Variants in SWAP70 observed in about 807,000 individuals in gnomAD.
SWAP70 encodes the protein switch-associated protein 70.
SWAP70 carries 34 observed loss-of-function variants against 80.2 expected under a neutral mutation model. The observed-to-expected ratio is 0.42, with a 90% CI of 0.32 to 0.56. The LOEUF is 0.56. Among genes scored for constraint, SWAP70 ranks in the 20% least tolerant of loss-of-function variants. The probability of loss-of-function intolerance (pLI) is 0.09; values close to 1 mark genes in which losing one functional copy is unlikely to be tolerated. For missense variants in SWAP70, 578 were observed against 690.7 expected, an observed-to-expected ratio of 0.84 and a Z score of 1.83; for synonymous variants, 239 against 238.5, an observed-to-expected ratio of 1.00 and a Z score of -0.02.
At chr11:9,731,786 T>C (rs913541429) in intron 6 of SWAP70, among the ~76,000 whole-genome samples, 2 of 152,202 alleles carry the variant, frequency 1.3e-5, no homozygotes, top group Non-Finnish European at 2.9e-5. Flanking sequence ...GCATAAAAAC[T>C]GTTAGCATTA....
chr11:9,709,902 A>G (rs1850973178), intron 2 of SWAP70, among the ~76,000 whole-genome samples: 1 of 152,236 alleles, frequency 6.6e-6, no homozygotes, highest in Non-Finnish European at 1.5e-5. Context: ...TGTAAAATGT[A>G]TTATGTGCAG....
At chr11:9,734,320 C>T (rs1437037192) in intron 7 of SWAP70, among the ~76,000 whole-genome samples, 1 of 152,198 alleles carries the variant, frequency 6.6e-6, no homozygotes, top group East Asian at 1.9e-4. Flanking sequence ...CATTCTTTGA[C>T]TTAGCATTGT....
chr11:9,734,013 A>AT (rs1016932510), intron 7 of SWAP70, among the ~76,000 whole-genome samples: 4 of 151,996 alleles, frequency 2.6e-5, no homozygotes, highest in Admixed American at 6.6e-5. Context: ...CAGATTTGGG[A>AT]TTTTTTTGGA....
intron 3 of SWAP70, among the ~76,000 whole-genome samples, chr11:9,718,674 T>TTA (rs1385452430): frequency 7.8e-6 from 1 of 128,682 alleles, no homozygotes; most frequent in Non-Finnish European, 1.7e-5. Context: ...TGGGTTTAAC[T>TTA]TGTTATCAGT....
At chr11:9,722,145 G>A (rs1455718296) in intron 3 of SWAP70, among the ~76,000 whole-genome samples, 1 of 152,204 alleles carries the variant, frequency 6.6e-6, no homozygotes, top group African/African-American at 2.4e-5. Context: ...TATGTGATGG[G>A]CATTGTGCAA....
rs1850280121 is a variant in SWAP70, at chr11:9,664,237, G to T, written c.58G>T (p.Asp20Tyr). The T allele has an allele frequency of 6.3e-7, 1 of 1,594,852 alleles. No individual in the cohort carries two copies. Among genetic ancestry groups the T allele is most frequent in the Admixed American group, 1.7e-5 (1 of 57,880 alleles). ...CATCTGGCACGCCTTCACCGCACTC[G>T]ACCAGGACCACAGCGGCAAGGTCTC... is the stretch of plus-strand genomic sequence containing the variant. ...KAIWHAFTAL[D>Y]QDHSGKVSKS... Residue 20 changes from aspartate (D) to tyrosine (Y), a missense_variant, in exon 1 of 12, where the codon GAC becomes TAC. Physicochemically the swap from Asp to Tyr is radical, Grantham distance 160. Coordinates refer to ENST00000318950, the MANE Select transcript of SWAP70 (RefSeq NM_015055.4).
intron 6 of SWAP70, among the ~76,000 whole-genome samples, chr11:9,730,501 C>G (rs907647605): frequency 6.6e-6 from 1 of 152,120 alleles, no homozygotes; most frequent in African/African-American, 2.4e-5. Flanking sequence ...GCACACACTA[C>G]AACTGTTGGT....
intron 6 of SWAP70, 143 bp from the exon 7 acceptor site, chr11:9,732,386 A>T: frequency 1.2e-6 from 1 of 849,224 alleles, no homozygotes; most frequent in South Asian, 1.6e-5. Context: ...GGGTCACACC[A>T]CTATGGAGTG....
intron 6 of SWAP70, among the ~76,000 whole-genome samples, chr11:9,730,523 T>C (rs1346381209): frequency 2.0e-5 from 3 of 152,134 alleles, no homozygotes; most frequent in Non-Finnish European, 4.4e-5. Flanking sequence ...GACACCTGGG[T>C]TGATTCCATA....
chr11:9,680,856 G>C (rs1041888518), intron 1 of SWAP70: 2 of 152,146 alleles, frequency 1.3e-5, no homozygotes, highest in African/African-American at 4.8e-5. Flanking sequence ...TAGAGAAAAG[G>C]ATATAGACAG....
Position 9,728,196 on chromosome 11 carries a change from A to G in SWAP70, c.786A>G (p.Val262=). ...TTCTCTTGGATGAAAATTGCTGTGT[A>G]GAGGTGAGTCTACTCTTACTTCTTT... ...GDILLDENCC[V]ESLPDKDGKK... is the part of the protein sequence containing the mutation. Residue 262 remains valine (V), a synonymous_variant, in exon 5 of 12, where the codon GTA becomes GTG. Transcript: ENST00000318950. The G allele has an allele frequency of 1.9e-6, 3 of 1,606,008 alleles. No individual in the cohort carries two copies. The highest frequency in any genetic ancestry group is 4.5e-5 in the East Asian group (2 of 44,440).
intron 9 of SWAP70, among the ~76,000 whole-genome samples, chr11:9,742,891 T>TTG (rs958028635): frequency 6.6e-6 from 1 of 150,694 alleles, no homozygotes; most frequent in African/African-American, 2.5e-5. Flanking sequence ...CTCCTTTTTT[T>TTG]TTTTTTTTAA....
In SWAP70 at chr11:9,729,412, A is replaced by G; in HGVS notation, c.859A>G (p.Ser287Gly). ...ATGTTTTGATAAGACTTTTGAAATC[A>G]GTGCTTCAGATAAGAAGAAGAAACA... ...VKCFDKTFEI[S>G]ASDKKKKQEW... The change falls in exon 6 of 12, where the codon AGT (serine) becomes GGT (glycine). Residue 287 changes from serine (S) to glycine (G), a missense_variant. By Grantham distance (56) the Ser-to-Gly change is moderately conservative (BLOSUM62 0). Transcript: ENST00000318950. 6.2e-7 allele frequency: 1 copy of G among 1,613,528 alleles called. No homozygotes were observed. Among genetic ancestry groups the G allele is most frequent in the Non-Finnish European group, 8.5e-7 (1 of 1,179,562 alleles).
chr11:9,703,174 A>G (rs1461321847), intron 2 of SWAP70, among the ~76,000 whole-genome samples: 1 of 152,212 alleles, frequency 6.6e-6, no homozygotes, highest in Non-Finnish European at 1.5e-5. Context: ...TAATGGAATG[A>G]TACAATAGCC....
intron 1 of SWAP70, 92 bp from the exon 2 acceptor site, chr11:9,694,054 A>T: frequency 7.0e-7 from 1 of 1,419,844 alleles, no homozygotes; most frequent in Non-Finnish European, 9.3e-7. Flanking sequence ...ATCTTTCTCT[A>T]CCCAGGAGAG....
chr11:9,716,566 G>T (rs1851068845), intron 3 of SWAP70, among the ~76,000 whole-genome samples: 1 of 152,162 alleles, frequency 6.6e-6, no homozygotes, highest in Non-Finnish European at 1.5e-5. Flanking sequence ...GACTCTGTGA[G>T]GATTGAAAAA....
chr11:9,708,957 G>T (rs893923475), intron 2 of SWAP70, among the ~76,000 whole-genome samples: 2 of 152,168 alleles, frequency 1.3e-5, no homozygotes, highest in Admixed American at 1.3e-4. Flanking sequence ...GTGTGAATTT[G>T]TACAGCAGCA....
intron 1 of SWAP70, among the ~76,000 whole-genome samples, chr11:9,680,562 C>A (rs980803609): frequency 1.3e-5 from 2 of 152,108 alleles, no homozygotes; most frequent in Non-Finnish European, 2.9e-5. Context: ...ATTACAGGTG[C>A]CCGCTACCAC....
intron 3 of SWAP70, chr11:9,720,291 C>T (rs185681764): frequency 1.2e-4 from 121 of 985,330 alleles, no homozygotes; most frequent in Admixed American, 4.9e-4. Context: ...CTGAGCAGAT[C>T]GAAGCTGGGT....
Sources: gnomAD v4.1 joint callset for allele counts (sites outside exome capture counted in the v4.1 genomes callset) on GRCh38, gnomAD v4.1.1 for gene constraint, MANE v1.5 for transcripts, NCBI Gene and HGNC (gene_info 2026-07-23, HGNC 2026-07-21) for gene names.